KCNT2: variants seen among roughly 807,000 people sequenced by gnomAD.
KCNT2 encodes the protein potassium channel subfamily T member 2.
In KCNT2, 67 loss-of-function variants were observed where a neutral mutation model predicts 153.8. That is an observed-to-expected ratio of 0.44 (90% CI 0.36 to 0.53). KCNT2 has a LOEUF of 0.53. Ranked by LOEUF, KCNT2 falls within the 20% of genes least tolerant of loss-of-function variation. The pLI is 0.00. For missense variants in KCNT2, 975 were observed against 1,354.8 expected (o/e 0.72, Z 4.40); for synonymous variants, 500 against 458.8 (o/e 1.09, Z -1.15).
intron 13 of KCNT2, among the ~76,000 whole-genome samples, chr1:196,379,374 C>T (rs1669262290): frequency 6.6e-6 from 1 of 151,972 alleles, no homozygotes; most frequent in Non-Finnish European, 1.5e-5. Flanking sequence ...AGTTTGAGAC[C>T]AACCTGGCCA....
chr1:196,450,463 T>C (rs899955972), intron 8 of KCNT2, among the ~76,000 whole-genome samples: 65 of 152,044 alleles, frequency 4.3e-4, no homozygotes, highest in African/African-American at 1.5e-3. Context: ...TATAATGAAC[T>C]CCTTATTTCC....
intron 16 of KCNT2, among the ~76,000 whole-genome samples, chr1:196,338,422 T>C (rs1269449333): frequency 6.6e-6 from 1 of 152,098 alleles, no homozygotes; most frequent in Non-Finnish European, 1.5e-5. Flanking sequence ...TAAACTAGGA[T>C]ACTGCAGAGT....
At chr1:196,305,065 T>C (rs948921754) in intron 22 of KCNT2, among the ~76,000 whole-genome samples, 169 bp downstream of exon 22, 6 of 152,170 alleles carry the variant, frequency 3.9e-5, no homozygotes, top group African/African-American at 1.4e-4. Flanking sequence ...TTCAAATCTG[T>C]CAATTCACAT....
At chr1:196,451,745 A>G (rs973234476) in intron 8 of KCNT2, among the ~76,000 whole-genome samples, 14 of 151,802 alleles carry the variant, frequency 9.2e-5, no homozygotes, top group African/African-American at 3.1e-4. Context: ...AGGGGAATGA[A>G]GGAACTAATC....
chr1:196,560,803 G>T (rs1301944351), intron 1 of KCNT2, among the ~76,000 whole-genome samples: 1 of 151,880 alleles, frequency 6.6e-6, no homozygotes, highest in East Asian at 1.9e-4. Flanking sequence ...TCTTCCTTGA[G>T]GACTGGTTAT....
intron 14 of KCNT2, among the ~76,000 whole-genome samples, chr1:196,349,506 T>C (rs1666435947): frequency 6.6e-6 from 1 of 152,016 alleles, no homozygotes; most frequent in South Asian, 2.1e-4. Context: ...GACATGAAAA[T>C]GTTTTTCGGG....
intron 19 of KCNT2, among the ~76,000 whole-genome samples, chr1:196,324,279 GT>G (rs1045930748): frequency 1.4e-4 from 21 of 152,012 alleles, no homozygotes; most frequent in African/African-American, 5.1e-4. Flanking sequence ...ATATATTCTT[GT>G]TTTCAAAAAG....
At chr1:196,486,426 G>A (rs1357408461) in intron 3 of KCNT2, among the ~76,000 whole-genome samples, 2 of 151,796 alleles carry the variant, frequency 1.3e-5, no homozygotes, top group Non-Finnish European at 2.9e-5. Flanking sequence ...GAAAACTAAA[G>A]GAACCATACC....
chr1:196,279,772 A>G (rs778467525), intron 25 of KCNT2, among the ~76,000 whole-genome samples: 4 of 152,022 alleles, frequency 2.6e-5, no homozygotes, highest in Non-Finnish European at 5.9e-5. Flanking sequence ...GACACCACCA[A>G]GAAGCAACTC....
chr1:196,434,042 G>A (rs991275411), intron 8 of KCNT2, among the ~76,000 whole-genome samples: 5 of 151,948 alleles, frequency 3.3e-5, no homozygotes, highest in African/African-American at 4.8e-5. Flanking sequence ...CAAATTTTGT[G>A]TGAGCTGCCA....
intron 1 of KCNT2, among the ~76,000 whole-genome samples, chr1:196,589,382 CGTAGTATTTGTA>C (rs1327182441): frequency 3.3e-5 from 5 of 151,740 alleles, no homozygotes; most frequent in Non-Finnish European, 7.4e-5. Context: ...AAGAATTTAA[CGTAGTATTTGTA>C]GTCTAGAGGT....
At chr1:196,232,472 T>C (rs1406191503) in intron 27 of KCNT2, among the ~76,000 whole-genome samples, 2 of 151,740 alleles carry the variant, frequency 1.3e-5, no homozygotes, top group Non-Finnish European at 3.0e-5. Flanking sequence ...TGTGTTTTTA[T>C]ATATTACATG....
chr1:196,509,415 T>C (rs554171452), intron 1 of KCNT2, among the ~76,000 whole-genome samples: 18 of 152,268 alleles, frequency 1.2e-4, no homozygotes, highest in African/African-American at 4.3e-4. Context: ...TAATCTATGG[T>C]TATATGCAAT....
At chr1:196,424,836 C>A (rs535827767) in intron 11 of KCNT2, among the ~76,000 whole-genome samples, 25 of 151,568 alleles carry the variant, frequency 1.6e-4, no homozygotes, top group Non-Finnish European at 3.2e-4. Flanking sequence ...AAACAGTTGA[C>A]TTTTCTTCTG....
intron 14 of KCNT2, among the ~76,000 whole-genome samples, chr1:196,370,361 T>C (rs1307450039): frequency 1.3e-5 from 2 of 152,174 alleles, no homozygotes; most frequent in South Asian, 2.1e-4. Context: ...AATTACACAG[T>C]TCTATGAAGT....
intron 1 of KCNT2, among the ~76,000 whole-genome samples, chr1:196,519,749 A>C (rs1185318077): frequency 6.6e-6 from 1 of 152,106 alleles, no homozygotes; most frequent in African/African-American, 2.4e-5. Flanking sequence ...CCAGGAAGAA[A>C]TTGATTCCCT....
chr1:196,270,972 G>C (rs1475207565), intron 25 of KCNT2, among the ~76,000 whole-genome samples: 1 of 151,574 alleles, frequency 6.6e-6, no homozygotes, highest in Non-Finnish European at 1.5e-5. Context: ...AGCCAGTACA[G>C]TGATTCTAAT....
chr1:196,328,290 C>A (rs554335979), intron 18 of KCNT2, among the ~76,000 whole-genome samples: 3 of 150,894 alleles, frequency 2.0e-5, no homozygotes, highest in African/African-American at 2.4e-5. Context: ...GGATCACGTG[C>A]GGGACAGAAT....
chr1:196,376,404 A>G (rs1382640485), intron 13 of KCNT2, among the ~76,000 whole-genome samples: 1 of 151,940 alleles, frequency 6.6e-6, no homozygotes, highest in South Asian at 2.1e-4. Flanking sequence ...TACTAAGTAG[A>G]AAAAATAAAG....
Sources: allele counts gnomAD v4.1 joint callset (sites outside exome capture counted in the v4.1 genomes callset), GRCh38; gene constraint gnomAD v4.1.1; transcripts MANE v1.5; gene names NCBI Gene and HGNC (gene_info 2026-07-23, HGNC 2026-07-21).